Variants in CDIN1 observed in about 807,000 individuals in gnomAD.
CDIN1 encodes CDAN1 interacting nuclease 1, also known as CDAN1-interacting nuclease 1.
CDIN1 carries 33 observed loss-of-function variants against 45.3 expected under a neutral mutation model. That is an observed-to-expected ratio of 0.73 (90% CI 0.55 to 0.97). The LOEUF (loss-of-function observed/expected upper bound fraction) is 0.97, where lower values mean the gene tolerates loss of function less well. CDIN1 is among the 50% of genes least tolerant of loss of function. The probability of loss-of-function intolerance (pLI) is 0.00; values close to 1 mark genes in which losing one functional copy is unlikely to be tolerated. For missense variants in CDIN1, 303 were observed against 339.4 expected (o/e 0.89, Z 0.84); for synonymous variants, 118 against 124.4 (o/e 0.95, Z 0.34).
intron 5 of CDIN1, among the ~76,000 whole-genome samples, chr15:36,686,299 C>T (rs934555387): frequency 4.7e-5 from 7 of 150,296 alleles, no homozygotes; most frequent in Non-Finnish European, 1.0e-4. Flanking sequence ...TCTCAGTAAA[C>T]TATCGCAAGA....
At chr15:36,665,029 A>C (rs778023054) in intron 5 of CDIN1, among the ~76,000 whole-genome samples, 6 of 152,156 alleles carry the variant, frequency 3.9e-5, no homozygotes, top group Non-Finnish European at 5.9e-5. Context: ...ATCCTTTGAA[A>C]TGTGTTGGCC....
intron 3 of CDIN1, among the ~76,000 whole-genome samples, chr15:36,651,541 ATTAAAC>A (rs938838423): frequency 3.3e-5 from 5 of 152,228 alleles, no homozygotes; most frequent in African/African-American, 1.2e-4. Flanking sequence ...ATAACCTTAA[ATTAAAC>A]TTAATTTTTT....
chr15:36,737,434 G>A (rs1377025505), intron 10 of CDIN1, among the ~76,000 whole-genome samples: 1 of 152,138 alleles, frequency 6.6e-6, no homozygotes, highest in Non-Finnish European at 1.5e-5. Context: ...ACATGATAAA[G>A]AACTAGACCA....
At chr15:36,785,802 C>A (rs1037912205) in intron 10 of CDIN1, among the ~76,000 whole-genome samples, 6 of 152,130 alleles carry the variant, frequency 3.9e-5, no homozygotes, top group Non-Finnish European at 8.8e-5. Flanking sequence ...AAACTGCTTG[C>A]CGAAGTTTAA....
intron 10 of CDIN1, among the ~76,000 whole-genome samples, chr15:36,794,438 A>G (rs1006298736): frequency 3.3e-5 from 5 of 152,158 alleles, no homozygotes; most frequent in Non-Finnish European, 7.3e-5. Flanking sequence ...ACCCATACTC[A>G]TTAAACACTA....
intron 10 of CDIN1, chr15:36,790,406 T>G (rs946561249): frequency 1.1e-4 from 16 of 152,160 alleles, no homozygotes; most frequent in African/African-American, 3.9e-4. Flanking sequence ...ATCACAAAGG[T>G]TGAGGTGACC....
At chr15:36,605,090 TTGAATC>T (rs1289283659) in intron 1 of CDIN1, among the ~76,000 whole-genome samples, 1 of 152,190 alleles carries the variant, frequency 6.6e-6, no homozygotes, top group African/African-American at 2.4e-5. Flanking sequence ...TTCTCAAACT[TTGAATC>T]TGATTTCTTA....
intron 10 of CDIN1, among the ~76,000 whole-genome samples, chr15:36,805,047 T>A (rs2055183326): frequency 1.3e-5 from 2 of 152,104 alleles, no homozygotes; most frequent in African/African-American, 4.8e-5. Context: ...GCCTTCATGG[T>A]CTGTGATGGC....
At chr15:36,605,204 A>C (rs2038303568) in intron 1 of CDIN1, among the ~76,000 whole-genome samples, 2 of 152,168 alleles carry the variant, frequency 1.3e-5, no homozygotes, top group African/African-American at 4.8e-5. Context: ...TGTGTATAAT[A>C]CTTTTGTAAA....
chr15:36,631,280 A>G (rs563330475), intron 1 of CDIN1, among the ~76,000 whole-genome samples: 2 of 152,304 alleles, frequency 1.3e-5, no homozygotes, highest in South Asian at 2.1e-4. Context: ...TATGTACCAT[A>G]AATTTCACTC....
chr15:36,713,208 G>T (rs1012304999), intron 10 of CDIN1, among the ~76,000 whole-genome samples: 7 of 152,142 alleles, frequency 4.6e-5, no homozygotes, highest in African/African-American at 1.7e-4. Context: ...AATATTGAGT[G>T]ACCTTAAATG....
At chr15:36,584,217 A>T (rs538614787) in intron 1 of CDIN1, among the ~76,000 whole-genome samples, 15 of 152,316 alleles carry the variant, frequency 9.8e-5, no homozygotes, top group Admixed American at 9.8e-4. Flanking sequence ...TCTTACCACC[A>T]TGTATTCAAA....
chr15:36,604,083 G>T lies in CDIN1; in HGVS notation c.101+24122G>T, dbSNP rs139131201. 8.5e-3 allele frequency among the ~76,000 whole-genome samples: 1,295 copies of T among 152,220 alleles called. 21 individuals carry two copies. The highest frequency in any genetic ancestry group is 0.03 in the African/African-American group (1,259 of 41,544). ...ACAGATGTTAAAACCTTTGGAATAT[G>T]TGGGGCTGAAAGGACCAGTTCGGGT... On this transcript the variant is annotated intron_variant, in intron 1 of 10. Transcript: ENST00000566621.
At chr15:36,634,639 A>T (rs1485494667) in intron 1 of CDIN1, among the ~76,000 whole-genome samples, 2 of 151,962 alleles carry the variant, frequency 1.3e-5, no homozygotes, top group East Asian at 3.9e-4. Context: ...GTTTTTATGT[A>T]GAAAGCCATC....
chr15:36,671,452 T>A (rs2041447373), intron 5 of CDIN1, among the ~76,000 whole-genome samples: 1 of 152,142 alleles, frequency 6.6e-6, no homozygotes, highest in Admixed American at 6.6e-5. Flanking sequence ...TCTTATTTTT[T>A]AAAATCATTC....
chr15:36,760,935 C>T (rs2140997084), intron 10 of CDIN1, among the ~76,000 whole-genome samples: 1 of 152,330 alleles, frequency 6.6e-6, no homozygotes, highest in Middle Eastern at 3.4e-3. Context: ...GCCCATTTCT[C>T]AGCACCCTGG....
chr15:36,597,050 T>G (rs2037868991), intron 1 of CDIN1, among the ~76,000 whole-genome samples: 1 of 152,210 alleles, frequency 6.6e-6, no homozygotes, highest in Non-Finnish European at 1.5e-5. Context: ...ATTGCTTAAA[T>G]TAATGACCAA....
At chr15:36,595,689 C>A (rs1166011428) in intron 1 of CDIN1, among the ~76,000 whole-genome samples, 1 of 152,152 alleles carries the variant, frequency 6.6e-6, no homozygotes, top group East Asian at 1.9e-4. Flanking sequence ...ATTGGAATGG[C>A]AGGAAACCAT....
chr15:36,621,872 GT>G (rs553981750), intron 1 of CDIN1, among the ~76,000 whole-genome samples: 30 of 142,362 alleles, frequency 2.1e-4, no homozygotes, highest in South Asian at 2.2e-4. Context: ...AACAAGTTCA[GT>G]TTTTTTTTTT....
Sources: allele counts gnomAD v4.1 joint callset (sites outside exome capture counted in the v4.1 genomes callset), GRCh38; gene constraint gnomAD v4.1.1; transcripts MANE v1.5; gene names NCBI Gene and HGNC (gene_info 2026-07-23, HGNC 2026-07-21).